Variants in TTC6 observed in about 807,000 individuals in gnomAD.
TTC6 encodes the protein tetratricopeptide repeat protein 6.
A neutral mutation model predicts 210.4 loss-of-function variants in TTC6; 172 were observed. The ratio of observed to expected loss-of-function variants is 0.82; its 90% confidence interval spans 0.72 to 0.93. The LOEUF is 0.93. Ranked by LOEUF, TTC6 falls within the 40% of genes least tolerant of loss-of-function variation. The pLI, the probability that TTC6 is intolerant of heterozygous loss-of-function variation, is 0.00. For synonymous variants in TTC6, 804 were observed against 819.6 expected, an observed-to-expected ratio of 0.98 and a Z score of 0.32; for missense variants, 2,414 against 2,318.1, an observed-to-expected ratio of 1.04 and a Z score of -0.85.
intron 10 of TTC6, among the ~76,000 whole-genome samples, chr14:37,741,833 C>T (rs1454871718): frequency 6.6e-6 from 1 of 152,144 alleles, no homozygotes; most frequent in Non-Finnish European, 1.5e-5. Flanking sequence ...CCTGTTGCTT[C>T]CCTCCTCAGC....
At chr14:37,821,762 A>T (rs1297312126) in intron 26 of TTC6, among the ~76,000 whole-genome samples, 1 of 150,786 alleles carries the variant, frequency 6.6e-6, no homozygotes, top group Non-Finnish European at 1.5e-5. Context: ...TGTCTCAGCT[A>T]AGAGCTAGTC....
chr14:37,778,436 A>G (rs1247052269), intron 14 of TTC6, among the ~76,000 whole-genome samples: 1 of 149,342 alleles, frequency 6.7e-6, no homozygotes, highest in Non-Finnish European at 1.5e-5. Flanking sequence ...TGTCTGCACC[A>G]ACAATGGTGG....
chr14:37,768,830 A>G (rs1404720609), intron 14 of TTC6, among the ~76,000 whole-genome samples: 6 of 151,990 alleles, frequency 3.9e-5, no homozygotes, highest in Non-Finnish European at 8.8e-5. Context: ...CAGAACTTCC[A>G]ACACTATGTT....
At chr14:37,661,666 T>A (rs2095737655) in intron 1 of TTC6, among the ~76,000 whole-genome samples, 1 of 152,224 alleles carries the variant, frequency 6.6e-6, no homozygotes, top group Admixed American at 6.5e-5. Context: ...CTTTTTTGGT[T>A]CCATATGAAC....
At chr14:37,787,354 C>A in intron 14 of TTC6, 114 bp from the exon 17 acceptor site, 2 of 780,834 alleles carry the variant, frequency 2.6e-6, no homozygotes, top group Non-Finnish European at 3.8e-6. Context: ...TCTTGTGAAG[C>A]AAGGAGAAAC....
intron 14 of TTC6, among the ~76,000 whole-genome samples, chr14:37,775,477 A>G (rs2096034327): frequency 6.6e-6 from 1 of 152,072 alleles, no homozygotes; most frequent in South Asian, 2.1e-4. Flanking sequence ...TCTTAATTTC[A>G]TTATTTATCC....
chr14:37,623,123 C>CA (rs1449086299), intron 1 of TTC6, 120 bp downstream of exon 3: 5 of 682,284 alleles, frequency 7.3e-6, no homozygotes, highest in Non-Finnish European at 1.1e-5. Flanking sequence ...TATTATAACA[C>CA]AAAAACACTG....
At chr14:37,653,244 A>T (rs1163239648) in intron 1 of TTC6, among the ~76,000 whole-genome samples, 1 of 152,208 alleles carries the variant, frequency 6.6e-6, no homozygotes, top group Non-Finnish European at 1.5e-5. Flanking sequence ...CAAAGGATAC[A>T]TGGGAAATAT....
At chr14:37,658,649 A>G (rs1212669421) in intron 1 of TTC6, among the ~76,000 whole-genome samples, 1 of 152,182 alleles carries the variant, frequency 6.6e-6, no homozygotes, top group Non-Finnish European at 1.5e-5. Flanking sequence ...GGTGAAAGAT[A>G]CCTTAAAAGC....
chr14:37,822,018 A>T (rs1240652884), intron 26 of TTC6, among the ~76,000 whole-genome samples: 2 of 151,814 alleles, frequency 1.3e-5, no homozygotes, highest in Admixed American at 6.6e-5. Flanking sequence ...TGACCTCGTG[A>T]TCCACCCACC....
At chr14:37,626,149 A>C (rs999893647) in intron 1 of TTC6, among the ~76,000 whole-genome samples, 2 of 152,218 alleles carry the variant, frequency 1.3e-5, no homozygotes, top group Non-Finnish European at 2.9e-5. Flanking sequence ...AGAACCACTG[A>C]CCTAAACAGT....
chr14:37,709,876 A>T (rs2095841858), intron 5 of TTC6, among the ~76,000 whole-genome samples: 1 of 152,164 alleles, frequency 6.6e-6, no homozygotes, highest in Non-Finnish European at 1.5e-5. Context: ...AATATTTTCA[A>T]GAAGATGAAA....
Position 37,713,599 on chromosome 14 carries a change from T to G in TTC6, c.1572-1056T>G, listed in dbSNP as rs528979698. 3.3e-5 allele frequency among the ~76,000 whole-genome samples: 5 copies of G among 152,286 alleles called. No homozygotes were observed. The South Asian group carries it at 1.0e-3, about 32-fold the overall frequency. On this transcript the variant is annotated intron_variant, in intron 5 of 30. Coordinates refer to ENST00000553443, the Ensembl canonical transcript of TTC6. ...AAAGCACATTAGAAGGAGGATGGAA[T>G]GGGTGTTAAGTGGCAGTGGTATTCA...
At chr14:37,686,943 C>A (rs1478190782) in intron 3 of TTC6, among the ~76,000 whole-genome samples, 1 of 152,094 alleles carries the variant, frequency 6.6e-6, no homozygotes, top group African/African-American at 2.4e-5. Context: ...ATCAAAAATT[C>A]TACTGGTAAG....
chr14:37,742,517 C>A (rs991525926), intron 10 of TTC6, among the ~76,000 whole-genome samples: 1 of 152,004 alleles, frequency 6.6e-6, no homozygotes, highest in Non-Finnish European at 1.5e-5. Context: ...TCAAGGGATT[C>A]TCCCACTTCA....
exon 1 of TTC6, chr14:37,622,879 T>G: frequency 6.5e-7 from 1 of 1,534,986 alleles, no homozygotes; most frequent in East Asian, 2.5e-5. Flanking sequence ...CCCTCCCGCG[T>G]GATCCCCACG....
chr14:37,638,764 G>A lies in TTC6; in HGVS notation c.939+15761G>A, dbSNP rs141736325. Among the ~76,000 whole-genome samples the A allele has an allele frequency of 7.6e-3, 1,164 of 152,276 alleles. 6 individuals are homozygous for A. The highest frequency in any genetic ancestry group is 0.013 in the Admixed American group (203 of 15,288). ...GGTACCGTTGGCAAAAGCTGGTAAA[G>A]AGATATCTCTGTATTTTTCTTAGAA... is the stretch of plus-strand genomic sequence containing the variant. On this transcript the variant is annotated intron_variant, in intron 1 of 30. Coordinates refer to ENST00000553443, the Ensembl canonical transcript of TTC6.
chr14:37,664,170 A>G (rs1331449888), intron 1 of TTC6, among the ~76,000 whole-genome samples: 1 of 150,682 alleles, frequency 6.6e-6, no homozygotes, highest in African/African-American at 2.4e-5. Flanking sequence ...CTCATGTGGA[A>G]CAAAAAAAGA....
Position 37,792,252 on chromosome 14 carries a change from ATT to A in TTC6, c.3558-4_3558-3del. 1 of 1,456,754 alleles carries A rather than the reference ATT, an allele frequency of 6.9e-7. No homozygotes were observed. Among genetic ancestry groups the A allele is most frequent in the Non-Finnish European group, 9.1e-7 (1 of 1,100,872 alleles). 90.2% of individuals were successfully genotyped at this position (1,456,754 alleles called of 1,614,324 possible). A position where few individuals can be genotyped will look rare whatever the true frequency, so the allele number is the denominator to read the frequency against. ...ATGTTTAACAAGATTTCACTTTCTC[ATT>A]TTTTTTTAGAACTATTACTTTGGCT... On this transcript the variant is annotated splice_polypyrimidine_tract_variant and intron_variant, in intron 16 of 30. Coordinates refer to ENST00000553443, the Ensembl canonical transcript of TTC6.
Sources: gnomAD v4.1 joint callset for allele counts (sites outside exome capture counted in the v4.1 genomes callset) on GRCh38, gnomAD v4.1.1 for gene constraint, MANE v1.5 for transcripts, NCBI Gene and HGNC (gene_info 2026-07-23, HGNC 2026-07-21) for gene names.